Variants in ZNF804B observed in about 807,000 individuals in gnomAD.
ZNF804B encodes the protein zinc finger protein 804B.
In ZNF804B, 80 loss-of-function variants were observed where a neutral mutation model predicts 101.4. The ratio of observed to expected loss-of-function variants is 0.79; its 90% CI spans 0.66 to 0.95. The LOEUF is 0.95. Ranked by LOEUF, ZNF804B falls within the 40% of genes least tolerant of loss-of-function variation. The pLI is 0.00. For synonymous variants in ZNF804B, 622 were observed against 558.8 expected, an observed-to-expected ratio of 1.11 and a Z score of -1.59; for missense variants, 1,673 against 1,561.9, an observed-to-expected ratio of 1.07 and a Z score of -1.20.
At chr7:89,126,647 T>TTG (rs370433902) in intron 1 of ZNF804B, among the ~76,000 whole-genome samples, 2,202 of 150,996 alleles carry the variant, frequency 0.015, 54 homozygotes, top group African/African-American at 0.05. Flanking sequence ...ATTATGGTAT[T>TTG]TGTGTGTGTG....
chr7:89,161,993 G>A (rs1791072164), intron 1 of ZNF804B, among the ~76,000 whole-genome samples: 1 of 152,124 alleles, frequency 6.6e-6, no homozygotes, highest in African/African-American at 2.4e-5. Flanking sequence ...GTAATGTGAT[G>A]AATAAGAGGA....
At chr7:89,178,498 T>C (rs1490817827) in intron 1 of ZNF804B, among the ~76,000 whole-genome samples, 1 of 152,154 alleles carries the variant, frequency 6.6e-6, no homozygotes, top group African/African-American at 2.4e-5. Context: ...AAACTGATGG[T>C]GACACTGATT....
chr7:88,856,023 T>C (rs1266654250), intron 1 of ZNF804B, among the ~76,000 whole-genome samples: 3 of 152,220 alleles, frequency 2.0e-5, no homozygotes, highest in East Asian at 1.9e-4. Context: ...TAGTATAGTT[T>C]GAAATCAGGT....
intron 1 of ZNF804B, among the ~76,000 whole-genome samples, chr7:89,152,285 G>C (rs1323644211): frequency 5.3e-5 from 8 of 151,272 alleles, no homozygotes; most frequent in African/African-American, 1.9e-4. Flanking sequence ...ACATTTATGG[G>C]GAAGAGGTAT....
chr7:88,880,660 G>A (rs760686136), intron 1 of ZNF804B, among the ~76,000 whole-genome samples: 1 of 152,038 alleles, frequency 6.6e-6, no homozygotes, highest in Non-Finnish European at 1.5e-5. Context: ...ATCTGATACA[G>A]TAAACTAAGG....
Position 88,922,610 on chromosome 7 carries a change from CAT to C in ZNF804B, c.108+162542_108+162543del, listed in dbSNP as rs745767209. 5.8e-4 allele frequency among the ~76,000 whole-genome samples: 79 copies of C among 135,984 alleles called. 1 individual carries two copies. Among genetic ancestry groups the C allele is most frequent in the Admixed American group, 9.6e-4 (13 of 13,492 alleles). 89.2% of individuals were successfully genotyped at this position (135,984 alleles called of 152,430 possible). ...TGTAACTAAAAGCTAATTACAGATA[CAT>C]ATATATATATATATACACACACACT... On this transcript the variant is annotated intron_variant, in intron 1 of 3. Coordinates refer to ENST00000333190, the MANE Select transcript of ZNF804B (RefSeq NM_181646.5).
intron 1 of ZNF804B, among the ~76,000 whole-genome samples, chr7:88,789,082 C>T (rs1436501035): frequency 1.3e-5 from 2 of 151,944 alleles, no homozygotes; most frequent in Admixed American, 6.6e-5. Context: ...ATCCAAAGTC[C>T]AACCATTGTT....
At chr7:89,170,749 A>C (rs1377422291) in intron 1 of ZNF804B, among the ~76,000 whole-genome samples, 1 of 152,190 alleles carries the variant, frequency 6.6e-6, no homozygotes, top group African/African-American at 2.4e-5. Context: ...TGTTTGAAGC[A>C]AAAGAGAACA....
chr7:89,159,528 G>A (rs1443388629), intron 1 of ZNF804B, among the ~76,000 whole-genome samples: 1 of 152,152 alleles, frequency 6.6e-6, no homozygotes, highest in Admixed American at 6.6e-5. Flanking sequence ...TTAAGTTAAA[G>A]GAGATGGTGA....
intron 1 of ZNF804B, among the ~76,000 whole-genome samples, chr7:88,990,061 A>T (rs2116151170): frequency 6.6e-6 from 1 of 152,138 alleles, no homozygotes; most frequent in East Asian, 1.9e-4. Context: ...AGCCAATGAT[A>T]ACTAATATTA....
At chr7:89,023,267 A>T (rs757367192) in intron 1 of ZNF804B, among the ~76,000 whole-genome samples, 1 of 152,196 alleles carries the variant, frequency 6.6e-6, no homozygotes, top group Non-Finnish European at 1.5e-5. Flanking sequence ...CAGTGAACTC[A>T]ATTGGCTGTT....
At chr7:89,149,849 G>A (rs1429504391) in intron 1 of ZNF804B, among the ~76,000 whole-genome samples, 1 of 151,424 alleles carries the variant, frequency 6.6e-6, no homozygotes, top group African/African-American at 2.4e-5. Context: ...TTGCCCAGTA[G>A]GTACTTATTT....
Position 89,008,487 on chromosome 7 carries a change from C to A in ZNF804B, c.109-209668C>A, listed in dbSNP as rs182565744. Among the ~76,000 whole-genome samples, 473 of 152,264 alleles carry A rather than the reference C, an allele frequency of 3.1e-3. 8 individuals carry two copies. The highest frequency in any genetic ancestry group is 0.011 in the African/African-American group (452 of 41,554). On this transcript the variant is annotated intron_variant, in intron 1 of 3. Transcript: ENST00000333190. ...AAGACAAAGAGCTGTATTGATCTAA[C>A]AAACACATATTATTGCCACACATTT...
intron 2 of ZNF804B, among the ~76,000 whole-genome samples, chr7:89,232,402 G>C (rs1789206744): frequency 6.6e-6 from 1 of 152,146 alleles, no homozygotes; most frequent in Non-Finnish European, 1.5e-5. Context: ...AGATATGTGT[G>C]TGGCTCTGGT....
chr7:89,281,616 T>C (rs1790095982), intron 2 of ZNF804B, among the ~76,000 whole-genome samples: 1 of 152,166 alleles, frequency 6.6e-6, no homozygotes, highest in Non-Finnish European at 1.5e-5. Flanking sequence ...CAAAGTCAAG[T>C]ATAATATGAA....
Position 89,337,372 on chromosome 7 carries a change from A to C in ZNF804B, c.*340A>C, listed in dbSNP as rs1562745846. Among the ~76,000 whole-genome samples the C allele has an allele frequency of 6.6e-6, 1 of 152,144 alleles. No homozygotes were observed. The highest frequency in any genetic ancestry group is 1.5e-5 in the Non-Finnish European group (1 of 68,008). The stretch of plus-strand genomic sequence containing the variant: ...CATTAAAATTAAAAAGAAAAATCAA[A>C]TGAAATATGGCACCCTGCGTTCTAA... On this transcript the variant is annotated 3_prime_UTR_variant, in exon 4 of 4. Transcript: ENST00000333190.
At chr7:89,135,848 A>C (rs1207500412) in intron 1 of ZNF804B, among the ~76,000 whole-genome samples, 6 of 152,134 alleles carry the variant, frequency 3.9e-5, no homozygotes, top group African/African-American at 1.4e-4. Flanking sequence ...ATGTTCTATA[A>C]GAGAGAAGAC....
chr7:89,089,645 A>C (rs923873477), intron 1 of ZNF804B, among the ~76,000 whole-genome samples: 19 of 152,054 alleles, frequency 1.2e-4, no homozygotes, highest in African/African-American at 4.6e-4. Context: ...CAAACAAAAC[A>C]TCTAAATATA....
intron 1 of ZNF804B, among the ~76,000 whole-genome samples, chr7:88,796,765 G>T (rs1319257440): frequency 6.6e-6 from 1 of 152,046 alleles, no homozygotes; most frequent in African/African-American, 2.4e-5. Context: ...TCTTTTGTGA[G>T]GGCAGGTAAG....
Sources: allele counts gnomAD v4.1 joint callset (sites outside exome capture counted in the v4.1 genomes callset), GRCh38; gene constraint gnomAD v4.1.1; transcripts MANE v1.5; gene names NCBI Gene and HGNC (gene_info 2026-07-23, HGNC 2026-07-21).